The following A1CF variants were observed in gnomAD, a reference collection of about 807,000 sequenced individuals.
The protein encoded by A1CF is APOBEC-1 stimulating protein.
Under a neutral mutation model 68.9 loss-of-function variants are expected in A1CF, and 48 were observed. The observed-to-expected ratio is 0.70, with a 90% CI of 0.55 to 0.89. The LOEUF (loss-of-function observed/expected upper bound fraction) is 0.89, where lower values mean the gene tolerates loss of function less well. A1CF is among the 40% of genes least tolerant of loss of function. A1CF has a pLI of 0.00. For synonymous variants in A1CF, 272 were observed against 260.4 expected (o/e 1.04, Z -0.43); for missense variants, 653 against 718.9 (o/e 0.91, Z 1.05).
rs1476821425 is a variant in A1CF at position 50,868,359 on chromosome 10, G to GA, written c.-93-4280dup. Among the ~76,000 whole-genome samples, 3 of 152,174 alleles carry GA rather than the reference G, an allele frequency of 2.0e-5. No homozygotes were observed. The East Asian group carries it at 5.8e-4, about 29-fold the overall frequency. On this transcript the variant is annotated intron_variant, in intron 1 of 12. Coordinates refer to ENST00000373997, the MANE Select transcript of A1CF (RefSeq NM_014576.4). ...ATACAAAGCTCTAATATCCACCTTG[G>GA]AAAAATATTTACAATTGATCTTAAG...
chr10:50,853,034 A>G (rs942594486), intron 3 of A1CF, among the ~76,000 whole-genome samples: 2 of 152,164 alleles, frequency 1.3e-5, no homozygotes, highest in African/African-American at 4.8e-5. Context: ...ATTAGAATCA[A>G]AACATGTGAT....
intron 5 of A1CF, among the ~76,000 whole-genome samples, chr10:50,841,423 G>T (rs1017897297): frequency 2.0e-4 from 31 of 152,124 alleles, no homozygotes; most frequent in African/African-American, 7.2e-4. Flanking sequence ...TCAAGTCTCA[G>T]ATTAAGTTTC....
At chr10:50,885,450 GC>G (rs1841962067) in intron 1 of A1CF, 130 bp downstream of exon 1, 1 of 152,134 alleles carries the variant, frequency 6.6e-6, no homozygotes, top group South Asian at 2.1e-4. Flanking sequence ...CTAAAAACAA[GC>G]TAGATAATTC....
intron 2 of A1CF, among the ~76,000 whole-genome samples, chr10:50,861,682 T>C (rs1232293127): frequency 6.8e-6 from 1 of 147,948 alleles, no homozygotes; most frequent in Non-Finnish European, 1.5e-5. Flanking sequence ...ATAGTAGTAA[T>C]ACCAATATAG....
chr10:50,824,777 C>T (rs1372920110), intron 7 of A1CF, among the ~76,000 whole-genome samples: 12 of 152,282 alleles, frequency 7.9e-5, no homozygotes, highest in East Asian at 5.8e-4. Flanking sequence ...CCAGGATCTG[C>T]GACCTGCTAG....
chr10:50,844,233 G>T, intron 3 of A1CF, 111 bp from the exon 4 acceptor site: 1 of 1,458,432 alleles, frequency 6.9e-7, no homozygotes, highest in Non-Finnish European at 9.3e-7. Flanking sequence ...ATTTATCATT[G>T]ACAAGTAATA....
At position 50,841,853 on chromosome 10, in the gene A1CF, G is replaced by A. The variant is rs369091485; in HGVS notation, c.365+9C>T. The stretch of plus-strand genomic sequence containing the variant: ...GTTTCACTTTTAATCTAGAAGAGGC[G>A]GAGCTTACCTAATTTCATAATTATT... On this transcript the variant is annotated intron_variant, in intron 5 of 12. Coordinates refer to ENST00000373997, the MANE Select transcript of A1CF (RefSeq NM_014576.4). 2.8e-4 allele frequency: 448 copies of A among 1,612,020 alleles called. 1 individual carries two copies. The highest frequency in any genetic ancestry group is 3.5e-4 in the Non-Finnish European group (412 of 1,179,440).
At chr10:50,826,589 T>A (rs1369351207) in intron 7 of A1CF, among the ~76,000 whole-genome samples, 2 of 152,058 alleles carry the variant, frequency 1.3e-5, no homozygotes, top group East Asian at 3.9e-4. Flanking sequence ...TCTGAGAGAT[T>A]TTGTCACTAC....
intron 12 of A1CF, among the ~76,000 whole-genome samples, chr10:50,808,118 T>C (rs575563633): frequency 1.3e-3 from 194 of 152,332 alleles, no homozygotes; most frequent in Middle Eastern, 3.4e-3. Context: ...TGCATGCATG[T>C]GTTTGTGGCA....
chr10:50,884,329 C>T (rs1397815318), intron 1 of A1CF, among the ~76,000 whole-genome samples: 1 of 152,076 alleles, frequency 6.6e-6, no homozygotes, highest in Non-Finnish European at 1.5e-5. Flanking sequence ...CCCTTGAAAT[C>T]GATAAATAGT....
At chr10:50,853,096 G>A (rs532256528) in intron 3 of A1CF, among the ~76,000 whole-genome samples, 1 of 152,070 alleles carries the variant, frequency 6.6e-6, no homozygotes, top group East Asian at 1.9e-4. Context: ...AGTGTGAGGG[G>A]TGGGAATTGA....
chr10:50,807,969 G>C (rs1588958729), intron 12 of A1CF, among the ~76,000 whole-genome samples: 1 of 152,210 alleles, frequency 6.6e-6, no homozygotes, highest in Admixed American at 6.5e-5. Context: ...ATTTTGGTCA[G>C]TAATGCTGAT....
intron 10 of A1CF, 93 bp downstream of exon 10, chr10:50,813,764 C>A: frequency 7.3e-7 from 1 of 1,362,866 alleles, no homozygotes; most frequent in Non-Finnish European, 1.0e-6. Context: ...AAACCCATAG[C>A]TTGAGTAGGG....
At chr10:50,814,661 C>G (rs1402131529) in intron 9 of A1CF, among the ~76,000 whole-genome samples, 1 of 152,170 alleles carries the variant, frequency 6.6e-6, no homozygotes, top group Non-Finnish European at 1.5e-5. Flanking sequence ...CATGTTACTA[C>G]TTTGATTTTA....
At chr10:50,856,793 A>G (rs1213116482) in intron 3 of A1CF, among the ~76,000 whole-genome samples, 2 of 152,072 alleles carry the variant, frequency 1.3e-5, no homozygotes, top group African/African-American at 4.8e-5. Context: ...TATTATTACA[A>G]TTAACTTGTG....
At chr10:50,827,826 C>CA (rs918917794) in intron 7 of A1CF, among the ~76,000 whole-genome samples, 3 of 151,474 alleles carry the variant, frequency 2.0e-5, no homozygotes, top group African/African-American at 7.3e-5. Context: ...AAAAATCCTT[C>CA]AAAAAAATCA....
At position 50,841,891 on chromosome 10, in the gene A1CF, T is replaced by G; in HGVS notation, c.336A>C (p.Ala112=). The G allele has an allele frequency of 6.2e-7, 1 of 1,613,482 alleles. No individual in the cohort carries two copies. The highest frequency in any genetic ancestry group is 8.5e-7 in the Non-Finnish European group (1 of 1,179,786). Residue 112 remains alanine (A), a synonymous_variant, in exon 5 of 13, where the codon GCA becomes GCC. Transcript: ENST00000373997. ...TTTCATAATTATTAAGTTGCTTGAT[T>G]GCATTCTTGGCTTCCACTTTATTTG... ...TFSNKVEAKN[A]IKQLNNYEIR... is the part of the protein sequence containing the mutation.
chr10:50,842,076 C>T, intron 4 of A1CF, 84 bp from the exon 5 acceptor site: 2 of 893,316 alleles, frequency 2.2e-6, no homozygotes, highest in Non-Finnish European at 1.6e-6. Context: ...CACACACAAA[C>T]ACACACACAC....
In A1CF at chr10:50,806,963, G is replaced by A. The variant is rs894731788; in HGVS notation, c.1610-83C>T. ...CTTATTTGTCTTCTTTTAGAAATAC[G>A]AACATTTAACATATTGCTTAAAGCT... On this transcript the variant is annotated intron_variant, in intron 12 of 12. Transcript: ENST00000373997. 4.6e-5 allele frequency: 65 copies of A among 1,398,790 alleles called. No homozygotes were observed. In the Admixed American group the frequency reaches 6.3e-4, roughly 14 times the overall value. The allele number at this position is 1,398,790 out of a possible 1,614,324, so 86.6% of individuals were successfully genotyped here.
Sources: gnomAD v4.1 joint callset for allele counts (sites outside exome capture counted in the v4.1 genomes callset) on GRCh38, gnomAD v4.1.1 for gene constraint, MANE v1.5 for transcripts, NCBI Gene and HGNC (gene_info 2026-07-23, HGNC 2026-07-21) for gene names.